Variants in GPC5 observed in about 807,000 individuals in gnomAD.
The protein encoded by GPC5 is glypican 5.
In GPC5, 47 loss-of-function variants were observed where a neutral mutation model predicts 53.9. The ratio of observed to expected loss-of-function variants is 0.87; its 90% confidence interval spans 0.69 to 1.11. The LOEUF is 1.11. Among genes scored for constraint, GPC5 ranks in the 50% most tolerant of loss-of-function variants. GPC5 has a pLI of 0.00. For missense variants in GPC5, 748 were observed against 713.1 expected (o/e 1.05, Z -0.56); for synonymous variants, 286 against 263.3 (o/e 1.09, Z -0.84).
At chr13:91,626,515 G>A (rs905365622) in intron 2 of GPC5, among the ~76,000 whole-genome samples, 22 of 152,090 alleles carry the variant, frequency 1.4e-4, no homozygotes, top group African/African-American at 4.3e-4. Flanking sequence ...ATGCACGCAG[G>A]AAGATATATT....
chr13:92,347,898 T>C (rs1172418410), intron 7 of GPC5, among the ~76,000 whole-genome samples: 1 of 12,194 alleles, frequency 8.2e-5, no homozygotes, highest in East Asian at 2.6e-3. Flanking sequence ...ATATTATATA[T>C]ATAATATATA....
At chr13:91,552,341 A>G (rs142258339) in intron 2 of GPC5, among the ~76,000 whole-genome samples, 24 of 152,088 alleles carry the variant, frequency 1.6e-4, no homozygotes, top group African/African-American at 5.8e-4. Context: ...TTTTATTGTT[A>G]TATCTAACGT....
At chr13:92,311,800 T>A (rs1336833421) in intron 7 of GPC5, among the ~76,000 whole-genome samples, 1 of 152,068 alleles carries the variant, frequency 6.6e-6, no homozygotes, top group Admixed American at 6.6e-5. Context: ...AAGATGAGAT[T>A]TGGGTGGGGA....
intron 2 of GPC5, among the ~76,000 whole-genome samples, chr13:91,484,301 A>T (rs1482301756): frequency 2.0e-5 from 3 of 152,210 alleles, no homozygotes; most frequent in Non-Finnish European, 4.4e-5. Context: ...CATTTTCCAA[A>T]AAATGACTAA....
chr13:92,381,942 A>AAATAT (rs2043750756), intron 7 of GPC5, among the ~76,000 whole-genome samples: 1 of 129,156 alleles, frequency 7.7e-6, no homozygotes, highest in African/African-American at 3.0e-5. Context: ...TTATATATGA[A>AAATAT]ATAATATCTA....
At chr13:91,635,025 G>A (rs2034252058) in intron 2 of GPC5, among the ~76,000 whole-genome samples, 1 of 152,050 alleles carries the variant, frequency 6.6e-6, no homozygotes, top group Non-Finnish European at 1.5e-5. Context: ...GCTATGCTCT[G>A]AAGTCAGAAT....
intron 7 of GPC5, among the ~76,000 whole-genome samples, chr13:92,168,009 A>T (rs1055732826): frequency 6.6e-6 from 1 of 152,164 alleles, no homozygotes; most frequent in African/African-American, 2.4e-5. Context: ...GCTTACTGGG[A>T]TAGCTGTCAC....
At chr13:92,862,275 G>A (rs976045771) in intron 7 of GPC5, among the ~76,000 whole-genome samples, 1 of 152,044 alleles carries the variant, frequency 6.6e-6, no homozygotes, top group African/African-American at 2.4e-5. Flanking sequence ...TCCTGTTCTT[G>A]TGTAAATGAG....
chr13:91,789,259 A>G (rs1449437418), intron 5 of GPC5, among the ~76,000 whole-genome samples: 2 of 152,280 alleles, frequency 1.3e-5, no homozygotes, highest in South Asian at 2.1e-4. Flanking sequence ...AAATTTATGG[A>G]CAATTAACTT....
intron 4 of GPC5, among the ~76,000 whole-genome samples, chr13:91,736,949 GATT>G (rs930899459): frequency 1.3e-5 from 2 of 148,638 alleles, no homozygotes; most frequent in Admixed American, 6.7e-5. Context: ...GGTTACTTCA[GATT>G]ATTATTATTA....
At chr13:91,718,652 T>C (rs1020883621) in intron 3 of GPC5, among the ~76,000 whole-genome samples, 9 of 152,206 alleles carry the variant, frequency 5.9e-5, no homozygotes, top group African/African-American at 2.2e-4. Flanking sequence ...AATCAAGCTT[T>C]CCCGAGTATA....
intron 7 of GPC5, among the ~76,000 whole-genome samples, chr13:92,204,482 T>A (rs2042318635): frequency 6.6e-6 from 1 of 152,174 alleles, no homozygotes; most frequent in African/African-American, 2.4e-5. Context: ...CTGCCCAGAC[T>A]TCGGAAACCA....
chr13:91,596,720 A>G (rs1366626905), intron 2 of GPC5, among the ~76,000 whole-genome samples: 1 of 152,144 alleles, frequency 6.6e-6, no homozygotes. Context: ...TCCTTACCAC[A>G]AGGCAAGACC....
intron 2 of GPC5, among the ~76,000 whole-genome samples, chr13:91,686,887 A>T (rs1036061352): frequency 3.3e-5 from 5 of 152,012 alleles, no homozygotes; most frequent in Non-Finnish European, 5.9e-5. Flanking sequence ...GTTGTAATGC[A>T]CAAAATGCAA....
chr13:92,751,507 G>A (rs1222776761), intron 7 of GPC5, among the ~76,000 whole-genome samples: 1 of 148,790 alleles, frequency 6.7e-6, no homozygotes, highest in African/African-American at 2.5e-5. Context: ...AGCAGCAGCT[G>A]CACTTATACA....
chr13:91,514,242 G>A (rs1286313445), intron 2 of GPC5, among the ~76,000 whole-genome samples: 2 of 152,142 alleles, frequency 1.3e-5, no homozygotes, highest in African/African-American at 4.8e-5. Context: ...CTGAATGGCT[G>A]TACCATTTTA....
intron 6 of GPC5, among the ~76,000 whole-genome samples, chr13:92,048,616 G>A (rs2041002626): frequency 6.6e-6 from 1 of 152,184 alleles, no homozygotes; most frequent in African/African-American, 2.4e-5. Flanking sequence ...CAGAGTTTCT[G>A]TTCAATACAC....
chr13:92,620,881 A>G (rs1182524096), intron 7 of GPC5, among the ~76,000 whole-genome samples: 1 of 152,240 alleles, frequency 6.6e-6, no homozygotes, highest in African/African-American at 2.4e-5. Flanking sequence ...TCCCAATTCA[A>G]GAAGAAATCT....
intron 2 of GPC5, among the ~76,000 whole-genome samples, chr13:91,542,014 CTTAATATTAA>C (rs1272020684): frequency 2.3e-5 from 1 of 42,672 alleles, no homozygotes; most frequent in African/African-American, 5.5e-5. Flanking sequence ...CATTTGAGCT[CTTAATATTAA>C]TTAATATTAA....
Sources: gnomAD v4.1 joint callset for allele counts (sites outside exome capture counted in the v4.1 genomes callset) on GRCh38, gnomAD v4.1.1 for gene constraint, MANE v1.5 for transcripts, NCBI Gene and HGNC (gene_info 2026-07-23, HGNC 2026-07-21) for gene names.